The following IL16 variants were observed in gnomAD, a reference collection of about 807,000 sequenced individuals.
IL16 encodes interleukin 16, also known as pro-interleukin-16.
Under a neutral mutation model 110.1 loss-of-function variants are expected in IL16, and 67 were observed. The ratio of observed to expected loss-of-function variants is 0.61; its 90% CI spans 0.50 to 0.75. The LOEUF (loss-of-function observed/expected upper bound fraction) is 0.75, where lower values mean the gene tolerates loss of function less well. Among genes scored for constraint, IL16 ranks in the 30% least tolerant of loss-of-function variants. The probability of loss-of-function intolerance (pLI) is 0.00; values close to 1 mark genes in which losing one functional copy is unlikely to be tolerated. For synonymous variants in IL16, 689 were observed against 662.9 expected, an observed-to-expected ratio of 1.04 and a Z score of -0.61; for missense variants, 1,545 against 1,655.0, an observed-to-expected ratio of 0.93 and a Z score of 1.15.
At chr15:81,197,982 T>C (rs1234332447) in intron 1 of IL16, among the ~76,000 whole-genome samples, 3 of 152,068 alleles carry the variant, frequency 2.0e-5, no homozygotes, top group Admixed American at 6.5e-5. Context: ...CCTTCCTATT[T>C]CTCCAGTTTC....
chr15:81,214,306 G>A (rs1896349200), intron 1 of IL16, among the ~76,000 whole-genome samples: 1 of 152,178 alleles, frequency 6.6e-6, no homozygotes, highest in Non-Finnish European at 1.5e-5. Context: ...CTTCTTGTAA[G>A]GCTGGTCTAG....
intron 13 of IL16, among the ~76,000 whole-genome samples, chr15:81,297,307 C>G (rs4778890): frequency 0.1 from 15,732 of 151,948 alleles, 1,054 homozygotes; most frequent in East Asian, 0.19. Context: ...GGGGTGGCAG[C>G]AGGAATGCAG....
chr15:81,210,972 T>C (rs1009234670), intron 1 of IL16, among the ~76,000 whole-genome samples: 1 of 152,218 alleles, frequency 6.6e-6, no homozygotes, highest in Non-Finnish European at 1.5e-5. Context: ...TGATGTTGGC[T>C]GTGGGTTTTC....
intron 1 of IL16, among the ~76,000 whole-genome samples, chr15:81,210,986 G>A (rs1020907093): frequency 1.3e-5 from 2 of 152,118 alleles, no homozygotes; most frequent in Admixed American, 6.6e-5. Flanking sequence ...GGTTTTCATA[G>A]ATGGCTCTTA....
In IL16 at chr15:81,271,705, G is replaced by A. The variant is rs577766819; in HGVS notation, c.676-1385G>A. Among the ~76,000 whole-genome samples the A allele has an allele frequency of 7.2e-5, 11 of 152,252 alleles. 1 individual carries two copies. The South Asian group carries it at 1.0e-3, about 14-fold the overall frequency. On this transcript the variant is annotated intron_variant, in intron 5 of 18. Transcript: ENST00000683961. ...TCAGCCAGGACAAGGCTAGGGGCCC[G>A]TGGAGGAGCCCTGAAGGGGCTCCTA...
At chr15:81,288,965 T>C (rs1479778206) in intron 10 of IL16, among the ~76,000 whole-genome samples, 1 of 152,136 alleles carries the variant, frequency 6.6e-6, no homozygotes, top group Non-Finnish European at 1.5e-5. Flanking sequence ...TCCTCTGAGA[T>C]ACTGACTTCC....
At chr15:81,275,354 G>A (rs1329065324) in intron 6 of IL16, among the ~76,000 whole-genome samples, 1 of 104,286 alleles carries the variant, frequency 9.6e-6, no homozygotes, top group Non-Finnish European at 1.9e-5. Flanking sequence ...AGTTGACGGG[G>A]GAGGAGGGGG....
intron 2 of IL16, among the ~76,000 whole-genome samples, chr15:81,232,167 A>G (rs1357056202): frequency 6.7e-6 from 1 of 149,400 alleles, no homozygotes; most frequent in Non-Finnish European, 1.5e-5. Flanking sequence ...AAGAAGACTG[A>G]CATCTTTACA....
intron 6 of IL16, among the ~76,000 whole-genome samples, chr15:81,278,321 A>G (rs543456658): frequency 6.6e-6 from 1 of 152,302 alleles, no homozygotes; most frequent in South Asian, 2.1e-4. Context: ...TGCAGTAGGT[A>G]CAGTGTGACA....
intron 2 of IL16, among the ~76,000 whole-genome samples, chr15:81,241,388 A>G (rs1897330680): frequency 6.6e-6 from 1 of 152,038 alleles, no homozygotes. Flanking sequence ...GGGAGAATTG[A>G]CATCTATTAA....
chr15:81,265,207 C>A (rs1898319845), intron 3 of IL16, among the ~76,000 whole-genome samples: 1 of 152,162 alleles, frequency 6.6e-6, no homozygotes, highest in East Asian at 1.9e-4. Context: ...GTGTAAGAGC[C>A]AGTCAGATAG....
intron 7 of IL16, 129 bp from the exon 8 acceptor site, chr15:81,279,429 G>A: frequency 1.6e-6 from 1 of 632,054 alleles, no homozygotes; most frequent in East Asian, 2.7e-5. Context: ...TTTGTAACAT[G>A]TATGAATATA....
At position 81,292,591 on chromosome 15, in the gene IL16, C is replaced by G. The variant is rs775662107; in HGVS notation, c.1456C>G (p.Pro486Ala). The G allele has an allele frequency of 2.2e-5, 35 of 1,605,126 alleles. No individual in the cohort carries two copies. The South Asian group carries it at 3.7e-4, about 17-fold the overall frequency. Residue 486 changes from proline to alanine, a missense_variant, in exon 12 of 19, where the codon CCC (proline) becomes GCC (alanine). Physicochemically the swap from Pro to Ala is conservative, Grantham distance 27 (BLOSUM62 -1). Transcript: ENST00000683961. ...KRLESSWHGR[P>A]TLEKEREKNS... is the part of the protein sequence containing the mutation. ...GCTGGAAAGCAGTTGGCACGGGCGG[C>G]CCACCTTGGAGAAGGAACGAGAGAA... is the stretch of plus-strand genomic sequence containing the variant.
rs770967103 is a variant in IL16 at position 81,285,703 on chromosome 15, G to A, written c.1205G>A (p.Gly402Glu). The change falls in exon 10 of 19, where the codon GGG becomes GAG. Residue 402 changes from glycine to glutamate, a missense_variant. Gly to Glu is a moderately conservative substitution (Grantham distance 98, BLOSUM62 -2). Transcript: ENST00000683961. ...TCTTATTGATGCTTGCACAGGTGTG[G>A]GGACGAGATTGTGGAAATCAGTGAT... ...VAHLDGRLRC[G>E]DEIVEISDSP... 6.2e-6 allele frequency: 10 copies of A among 1,614,044 alleles called. No individual in the cohort carries two copies. Among genetic ancestry groups the A allele is most frequent in the African/African-American group, 1.3e-5 (1 of 75,012 alleles).
intron 12 of IL16, 135 bp from the exon 13 acceptor site, chr15:81,296,791 CTT>C: frequency 2.7e-6 from 2 of 748,770 alleles, no homozygotes; most frequent in Non-Finnish European, 4.3e-6. Context: ...AAAGAATCCT[CTT>C]TACATGGCTG....
intron 5 of IL16, among the ~76,000 whole-genome samples, chr15:81,270,847 T>C (rs2142242275): frequency 6.6e-6 from 1 of 152,308 alleles, no homozygotes; most frequent in East Asian, 1.9e-4. Context: ...TCATTTGATA[T>C]AGAAATCCTC....
At chr15:81,292,402 C>A in intron 11 of IL16, 154 bp from the exon 12 acceptor site, 1 of 1,138,880 alleles carries the variant, frequency 8.8e-7, no homozygotes, top group Non-Finnish European at 1.3e-6. Context: ...GGGACCAACA[C>A]CAAGACTGCC....
At chr15:81,258,928 T>C (rs914881561) in intron 2 of IL16, among the ~76,000 whole-genome samples, 1 of 152,050 alleles carries the variant, frequency 6.6e-6, no homozygotes, top group Admixed American at 6.6e-5. Context: ...CAGAAAACTT[T>C]CAGAAAGATA....
rs778394122 is a variant in IL16, at chr15:81,306,543, A to C, written c.3803A>C (p.Lys1268Thr). Reference sequence around the variant, plus strand: ...CCTCTCACCATTAACAGGATTTTCAAAGGTGTGGGGTGTGTCTGGTTCTTT... The same window carrying C: ...CCTCTCACCATTAACAGGATTTTCACAGGTGTGGGGTGTGTCTGGTTCTTT... ...DKPLTINRIF[K>T]GAASEQSETV... The change falls in exon 18 of 19, where the codon AAA becomes ACA. Residue 1268 changes from lysine (K) to threonine (T), a missense_variant and splice_region_variant. This residue lies in a region of IL16 where 356 missense variants were observed against 399.3 expected (regional missense o/e 0.89). Transcript: ENST00000683961. The C allele has an allele frequency of 2.5e-6, 4 of 1,612,626 alleles. No homozygotes were observed. The East Asian group carries it at 6.7e-5, about 27-fold the overall frequency.
Sources: allele counts gnomAD v4.1 joint callset (sites outside exome capture counted in the v4.1 genomes callset), GRCh38; gene constraint gnomAD v4.1.1; regional missense constraint gnomAD v4.1.1; transcripts MANE v1.5; gene names NCBI Gene and HGNC (gene_info 2026-07-23, HGNC 2026-07-21).